The following CELF2 variants were observed in gnomAD, a reference collection of about 807,000 sequenced individuals.
CELF2 encodes the protein CUGBP Elav-like family member 2.
CELF2 carries 8 observed loss-of-function variants against 62.6 expected under a neutral mutation model. The ratio of observed to expected loss-of-function variants is 0.13; its 90% CI spans 0.07 to 0.23. CELF2 has a LOEUF of 0.23. Among genes scored for constraint, CELF2 ranks in the 10% least tolerant of loss-of-function variants. The probability of loss-of-function intolerance (pLI) is 1.00; values close to 1 mark genes in which losing one functional copy is unlikely to be tolerated. For missense variants in CELF2, 333 were observed against 671.0 expected, an observed-to-expected ratio of 0.50 and a Z score of 5.56; for synonymous variants, 258 against 250.0, an observed-to-expected ratio of 1.03 and a Z score of -0.30.
intron 2 of CELF2, among the ~76,000 whole-genome samples, chr10:11,186,388 T>TA (rs994319304): frequency 1.3e-5 from 2 of 152,016 alleles, no homozygotes; most frequent in African/African-American, 2.4e-5. Context: ...TTGCTTTTAT[T>TA]TTTCTGACTT....
Position 11,168,020 on chromosome 10 carries a change from G to A in CELF2, c.271+2338G>A, listed in dbSNP as rs150483501. On this transcript the variant is annotated intron_variant, in intron 2 of 12. Coordinates refer to ENST00000633077, the MANE Select transcript of CELF2 (RefSeq NM_001326342.2). ...TGAGATGAGATGGCAGAGTAGCCCT[G>A]GTGTGCTGTGTTTCAGGGCCTGGGT... 1.1e-4 allele frequency among the ~76,000 whole-genome samples: 17 copies of A among 152,274 alleles called. No homozygotes were observed. In the East Asian group the frequency reaches 2.9e-3, roughly 26 times the overall value.
At chr10:10,989,197 A>G (rs2053159495) in intron 2 of CELF2, among the ~76,000 whole-genome samples, 1 of 152,158 alleles carries the variant, frequency 6.6e-6, no homozygotes, top group African/African-American at 2.4e-5. Context: ...GATAAATCCA[A>G]GTGTTCAGAA....
intron 1 of CELF2, chr10:10,846,220 C>T (rs886361454): frequency 5.8e-5 from 27 of 465,566 alleles, no homozygotes; most frequent in Non-Finnish European, 7.0e-5. Context: ...TAATTATATA[C>T]GATATGGCCT....
chr10:11,152,234 G>C (rs962376645), intron 1 of CELF2, among the ~76,000 whole-genome samples: 29 of 152,148 alleles, frequency 1.9e-4, no homozygotes, highest in African/African-American at 5.3e-4. Context: ...CTGCGAAACT[G>C]GACCAAGTTT....
intron 1 of CELF2, among the ~76,000 whole-genome samples, chr10:10,862,923 G>C (rs2060129125): frequency 6.6e-6 from 1 of 152,044 alleles, no homozygotes; most frequent in South Asian, 2.1e-4. Flanking sequence ...TAGGAATAAG[G>C]GCAGAGTAAG....
chr10:10,577,532 C>T, the CELF2 span, among the ~76,000 whole-genome samples: 1 of 151,234 alleles, frequency 6.6e-6, no homozygotes, highest in African/African-American at 2.4e-5. Context: ...ACAACAGTCC[C>T]CAGTGTGTGA....
intron 3 of CELF2, among the ~76,000 whole-genome samples, chr10:11,222,327 T>G (rs556620516): frequency 6.6e-6 from 1 of 152,340 alleles, no homozygotes; most frequent in East Asian, 1.9e-4. Context: ...TCATCATCAT[T>G]ATTATTTTTG....
chr10:10,667,921 A>T, the CELF2 span, among the ~76,000 whole-genome samples: 1 of 152,146 alleles, frequency 6.6e-6, no homozygotes, highest in Non-Finnish European at 1.5e-5. Context: ...CTACCAGCAA[A>T]ATCCCTTTGA....
At chr10:10,966,864 C>T (rs1046775809) in intron 2 of CELF2, 1 of 152,144 alleles carries the variant, frequency 6.6e-6, no homozygotes, top group Admixed American at 6.6e-5. Flanking sequence ...CAATCATTAC[C>T]AGCAAATCAG....
chr10:11,115,239 TGTA>T (rs1564802873), intron 1 of CELF2, among the ~76,000 whole-genome samples: 1 of 152,234 alleles, frequency 6.6e-6, no homozygotes, highest in Non-Finnish European at 1.5e-5. Context: ...CTGATTCAAA[TGTA>T]GTCATAAGAC....
In CELF2 at chr10:11,280,711, G is replaced by A. The variant is rs1427057132; in HGVS notation, c.841+5591G>A. Among the ~76,000 whole-genome samples, 1 of 152,214 alleles carries A rather than the reference G, an allele frequency of 6.6e-6. No homozygotes were observed. The highest frequency in any genetic ancestry group is 2.4e-5 in the African/African-American group (1 of 41,446). ...GGGGCAGGATGGACAGAGGACACAT[G>A]GGCCACGGCCTCTGCCTGGCTGAGT... is the stretch of plus-strand genomic sequence containing the variant. On this transcript the variant is annotated intron_variant, in intron 8 of 12. Transcript: ENST00000633077. This position sits in a 1 kb window ranked among gnomAD's most constrained non-coding sequence, Gnocchi z 7.6.
chr10:10,637,432 C>A, the CELF2 span, among the ~76,000 whole-genome samples: 5 of 152,204 alleles, frequency 3.3e-5, no homozygotes, highest in African/African-American at 7.2e-5. Context: ...GACAGAATTA[C>A]ATCTTGCAGC....
At chr10:10,662,546 A>G in the CELF2 span, among the ~76,000 whole-genome samples, 114 of 152,276 alleles carry the variant, frequency 7.5e-4, no homozygotes, top group African/African-American at 2.6e-3. Context: ...ATTTGCAGGC[A>G]TGGTAGGCAG....
At chr10:10,466,446 G>C in the CELF2 span, among the ~76,000 whole-genome samples, 1 of 152,026 alleles carries the variant, frequency 6.6e-6, no homozygotes, top group Non-Finnish European at 1.5e-5. Flanking sequence ...TTGTTCATCT[G>C]TTCACCTGTG....
chr10:10,716,163 G>A, the CELF2 span, among the ~76,000 whole-genome samples: 1 of 152,156 alleles, frequency 6.6e-6, no homozygotes, highest in Non-Finnish European at 1.5e-5. Context: ...GAGCCATTTT[G>A]ATCAATGATA....
At chr10:11,229,641 G>A (rs1232422121) in intron 3 of CELF2, among the ~76,000 whole-genome samples, 1 of 151,170 alleles carries the variant, frequency 6.6e-6, no homozygotes, top group African/African-American at 2.4e-5. Context: ...GTTGGCTGGA[G>A]TGCAGTGGCG....
At chr10:10,500,567 C>T in the CELF2 span, among the ~76,000 whole-genome samples, 1 of 152,178 alleles carries the variant, frequency 6.6e-6, no homozygotes, top group Non-Finnish European at 1.5e-5. Context: ...TTGCCTTCCA[C>T]CATGATTGTG....
chr10:11,042,862 A>T (rs958712898), intron 1 of CELF2, among the ~76,000 whole-genome samples: 1 of 152,174 alleles, frequency 6.6e-6, no homozygotes, highest in African/African-American at 2.4e-5. Flanking sequence ...GTTACAGTGT[A>T]TCTCAGGACC....
At chr10:10,504,771 A>G in the CELF2 span, among the ~76,000 whole-genome samples, 6 of 151,904 alleles carry the variant, frequency 3.9e-5, no homozygotes, top group East Asian at 1.9e-4. Flanking sequence ...ATGTCATTCT[A>G]TATTTCAGTT....
Sources: allele counts gnomAD v4.1 joint callset (sites outside exome capture counted in the v4.1 genomes callset), GRCh38; gene constraint gnomAD v4.1.1; non-coding constraint Gnocchi (gnomAD v3.1); transcripts MANE v1.5; gene names NCBI Gene and HGNC (gene_info 2026-07-23, HGNC 2026-07-21).